XYLT1: variants seen among roughly 807,000 people sequenced by gnomAD.
XYLT1 encodes beta-D-xylosyltransferase 1.
A neutral mutation model predicts 91.3 loss-of-function variants in XYLT1; 36 were observed. The ratio of observed to expected loss-of-function variants is 0.39; its 90% CI spans 0.30 to 0.52. XYLT1 has a LOEUF of 0.52. Among genes scored for constraint, XYLT1 ranks in the 20% least tolerant of loss-of-function variants. XYLT1 has a pLI of 0.68. For missense variants in XYLT1, 1,242 were observed against 1,284.5 expected, an observed-to-expected ratio of 0.97 and a Z score of 0.51; for synonymous variants, 588 against 532.0, an observed-to-expected ratio of 1.11 and a Z score of -1.45.
chr16:17,173,775 G>C (rs1171538011), intron 5 of XYLT1, among the ~76,000 whole-genome samples: 1 of 152,218 alleles, frequency 6.6e-6, no homozygotes, highest in African/African-American at 2.4e-5. Context: ...GGTGAAATAG[G>C]TTTAAAGATC....
intron 2 of XYLT1, among the ~76,000 whole-genome samples, chr16:17,308,843 T>C (rs1211994151): frequency 1.3e-5 from 2 of 152,152 alleles, no homozygotes; most frequent in Non-Finnish European, 2.9e-5. Context: ...ATAACATCTA[T>C]CTCCTCTAAT....
chr16:17,292,103 C>T (rs531485445), intron 2 of XYLT1, among the ~76,000 whole-genome samples: 6 of 150,530 alleles, frequency 4.0e-5, no homozygotes, highest in Non-Finnish European at 8.9e-5. Context: ...CACACACACA[C>T]ACATATACAC....
intron 5 of XYLT1, 57 bp downstream of exon 5, chr16:17,198,155 T>G (rs1384180019): frequency 1.3e-6 from 2 of 1,593,390 alleles, no homozygotes; most frequent in Non-Finnish European, 1.7e-6. Context: ...TTCCCAGCCA[T>G]GACCAGCCAG....
At chr16:17,266,512 C>T (rs1338538750) in intron 2 of XYLT1, among the ~76,000 whole-genome samples, 2 of 152,144 alleles carry the variant, frequency 1.3e-5, no homozygotes, top group Non-Finnish European at 2.9e-5. Flanking sequence ...AGTCCACACA[C>T]CTAGGAAACA....
At chr16:17,447,375 C>A (rs1156953602) in intron 1 of XYLT1, among the ~76,000 whole-genome samples, 1 of 152,218 alleles carries the variant, frequency 6.6e-6, no homozygotes, top group Non-Finnish European at 1.5e-5. Flanking sequence ...TTAGTTTAAT[C>A]CAACTGGAAA....
At chr16:17,166,355 A>T (rs117227045) in intron 5 of XYLT1, among the ~76,000 whole-genome samples, 2 of 152,204 alleles carry the variant, frequency 1.3e-5, no homozygotes, top group Non-Finnish European at 2.9e-5. Flanking sequence ...TCCAATTCCC[A>T]TCTGTTCCTC....
At chr16:17,337,239 G>A (rs2034993522) in intron 2 of XYLT1, among the ~76,000 whole-genome samples, 1 of 152,126 alleles carries the variant, frequency 6.6e-6, no homozygotes, top group African/African-American at 2.4e-5. Context: ...CCAGGCTAAA[G>A]TGCAGTGGTG....
intron 2 of XYLT1, among the ~76,000 whole-genome samples, chr16:17,288,853 CAA>C (rs1210276191): frequency 6.6e-6 from 1 of 152,114 alleles, no homozygotes; most frequent in Admixed American, 6.5e-5. Context: ...CTAGCTCACC[CAA>C]AGACTCTTGA....
chr16:17,271,494 T>C (rs2033893284), intron 2 of XYLT1, among the ~76,000 whole-genome samples: 1 of 152,088 alleles, frequency 6.6e-6, no homozygotes, highest in East Asian at 1.9e-4. Context: ...ACAGAGAGAA[T>C]GTGAACAACC....
At chr16:17,232,494 A>G (rs1016634387) in intron 3 of XYLT1, among the ~76,000 whole-genome samples, 2 of 146,198 alleles carry the variant, frequency 1.4e-5, no homozygotes, top group Non-Finnish European at 3.0e-5. Flanking sequence ...TCTGAATCTC[A>G]AATTAGATAA....
At chr16:17,200,347 A>T (rs924165251) in intron 4 of XYLT1, 135 bp downstream of exon 4, 37 of 1,084,528 alleles carry the variant, frequency 3.4e-5, no homozygotes, top group Middle Eastern at 3.0e-4. Flanking sequence ...CGCTCTGTGG[A>T]GAGGCAGCTG....
At chr16:17,329,693 T>C (rs947278176) in intron 2 of XYLT1, among the ~76,000 whole-genome samples, 1 of 152,128 alleles carries the variant, frequency 6.6e-6, no homozygotes, top group African/African-American at 2.4e-5. Flanking sequence ...TGCCTCCGGG[T>C]CTGTTACTTG....
intron 1 of XYLT1, among the ~76,000 whole-genome samples, chr16:17,385,231 G>A (rs2035732314): frequency 1.3e-5 from 2 of 148,980 alleles, no homozygotes; most frequent in African/African-American, 2.5e-5. Flanking sequence ...AGAGGCCCCC[G>A]CTGCCTGCCC....
chr16:17,397,015 C>T (rs868624440), intron 1 of XYLT1, among the ~76,000 whole-genome samples: 11 of 152,268 alleles, frequency 7.2e-5, no homozygotes, highest in South Asian at 6.2e-4. Context: ...GGCTGCTTTC[C>T]GGCTGCAGAG....
chr16:17,469,885 G>A (rs2036958486), intron 1 of XYLT1, among the ~76,000 whole-genome samples: 1 of 152,172 alleles, frequency 6.6e-6, no homozygotes, highest in Non-Finnish European at 1.5e-5. Context: ...CCCAAAGTAA[G>A]ACCAGACACC....
chr16:17,309,750 T>C lies in XYLT1; in HGVS notation c.402+48262A>G, dbSNP rs561020472. Among the ~76,000 whole-genome samples, 23 of 152,366 alleles carry C rather than the reference T, an allele frequency of 1.5e-4. 1 individual carries two copies. In the East Asian group the frequency reaches 3.9e-3, roughly 26 times the overall value. On this transcript the variant is annotated intron_variant, in intron 2 of 11. Transcript: ENST00000261381. ...GCACTTCTTGTCCCAAATGGTTTAA[T>C]GCCTTTATTTTGCGAATGAGCCATT...
intron 2 of XYLT1, among the ~76,000 whole-genome samples, chr16:17,275,391 C>G (rs115472862): frequency 1.3e-5 from 2 of 151,996 alleles, no homozygotes; most frequent in African/African-American, 4.8e-5. Context: ...TTTCTAAAGT[C>G]CCCCCCAGGA....
At chr16:17,271,504 C>T (rs758756782) in intron 2 of XYLT1, among the ~76,000 whole-genome samples, 1 of 152,126 alleles carries the variant, frequency 6.6e-6, no homozygotes, top group Non-Finnish European at 1.5e-5. Context: ...TGTGAACAAC[C>T]CAGTCTTGCT....
At position 17,259,042 on chromosome 16, in the gene XYLT1, G is replaced by A; in HGVS notation, c.859C>T (p.His287Tyr). Reference protein sequence around the residue: ...RQEIGETYCRHKLGLLMPEKV... With the variant: ...RQEIGETYCRYKLGLLMPEKV... ...TCAGGCATCAGCAGCCCTAACTTGTGGCGGCAGTAAGTCTCCCCAATCTCC... is the reference window on the plus strand; with the variant it reads ...TCAGGCATCAGCAGCCCTAACTTGTAGCGGCAGTAAGTCTCCCCAATCTCC... Residue 287 changes from histidine to tyrosine, a missense_variant, in exon 3 of 12, where the codon CAC becomes TAC. Physicochemically the swap from His to Tyr is moderately conservative, Grantham distance 83. Around this residue, in one of 3 missense-constraint regions of XYLT1, gnomAD observed 437 missense variants for 411.5 expected, o/e 1.06. Coordinates refer to ENST00000261381, the MANE Select transcript of XYLT1 (RefSeq NM_022166.4). 1 of 1,515,888 alleles carries A rather than the reference G, an allele frequency of 6.6e-7. No individual in the cohort carries two copies. Among genetic ancestry groups the A allele is most frequent in the Non-Finnish European group, 8.8e-7 (1 of 1,132,372 alleles). 93.9% of individuals were successfully genotyped at this position (1,515,888 alleles called of 1,614,324 possible).
Sources: allele counts gnomAD v4.1 joint callset (sites outside exome capture counted in the v4.1 genomes callset), GRCh38; gene constraint gnomAD v4.1.1; regional missense constraint gnomAD v4.1.1; transcripts MANE v1.5; gene names NCBI Gene and HGNC (gene_info 2026-07-23, HGNC 2026-07-21).